P2RY8: variants seen among roughly 807,000 people sequenced by gnomAD.
The protein encoded by P2RY8 is S-geranylgeranyl-glutathione receptor P2RY8.
P2RY8 carries 6 observed loss-of-function variants against 10.0 expected under a neutral mutation model. The ratio of observed to expected loss-of-function variants is 0.60; its 90% CI spans 0.33 to 1.19. P2RY8 has a LOEUF of 1.19. Ranked by LOEUF, P2RY8 falls within the 50% of genes most tolerant of loss-of-function variation. The pLI is 0.04. For synonymous variants in P2RY8, 276 were observed against 252.5 expected (o/e 1.09, Z -0.88); for missense variants, 456 against 542.0 (o/e 0.84, Z 1.58).
In P2RY8 at chrX:1,532,315, T is replaced by C. The variant is rs78310429; in HGVS notation, c.-25+4606A>G. On this transcript the variant is annotated intron_variant, in intron 1 of 1. Coordinates refer to ENST00000381297, the MANE Select transcript of P2RY8 (RefSeq NM_178129.5). ...GTCATATATATGTGTGCCATATATA[T>C]ACACACACGTATATATACACATATA... Among the ~76,000 whole-genome samples, 76 of 17,102 alleles carry C rather than the reference T, an allele frequency of 4.4e-3. 2 individuals are homozygous for C. Among genetic ancestry groups the C allele is most frequent in the Non-Finnish European group, 0.028 (49 of 1,754 alleles). 11.2% of individuals were successfully genotyped at this position (17,102 alleles called of 152,430 possible).
Position 1,466,221 on chromosome X carries a change from G to A in P2RY8, c.338C>T (p.Thr113Ile). The change falls in exon 2 of 2, where the codon ACC becomes ATC. Residue 113 changes from threonine (T) to isoleucine (I), a missense_variant. Thr to Ile is a moderately conservative substitution (Grantham distance 89, BLOSUM62 -1). Coordinates refer to ENST00000381297, the MANE Select transcript of P2RY8 (RefSeq NM_178129.5). Reference protein sequence around the residue: ...FYANMYSSILTMTCISVERFL... With the variant: ...FYANMYSSILIMTCISVERFL... ...GCGCTCCACGCTGATACAGGTCATG[G>A]TGAGGATGCTGGAATACATGTTTGC... is the stretch of plus-strand genomic sequence containing the variant. The A allele has an allele frequency of 3.1e-6, 5 of 1,613,544 alleles. No individual in the cohort carries two copies. The highest frequency in any genetic ancestry group is 4.2e-6 in the Non-Finnish European group (5 of 1,179,702).
At chrX:1,505,445 G>A (rs189778836) in intron 1 of P2RY8, among the ~76,000 whole-genome samples, 1 of 152,322 alleles carries the variant, frequency 6.6e-6, no homozygotes, top group East Asian at 1.9e-4. Flanking sequence ...TCCACATGGA[G>A]GCACTGGATG....
rs757890905 is a variant in P2RY8 at position 1,504,028 on chromosome X, G to A, written c.-25+32893C>T. On this transcript the variant is annotated intron_variant, in intron 1 of 1. Coordinates refer to ENST00000381297, the MANE Select transcript of P2RY8 (RefSeq NM_178129.5). Reference sequence around the variant, plus strand: ...GTAAAGGAACTGTCTTTAAAGATTTGGGAATTCTGCTGGACGTGGTGGCTC... The same window carrying A: ...GTAAAGGAACTGTCTTTAAAGATTTAGGAATTCTGCTGGACGTGGTGGCTC... Among the ~76,000 whole-genome samples, 4 of 151,584 alleles carry A rather than the reference G, an allele frequency of 2.6e-5. No individual in the cohort carries two copies. The East Asian group carries it at 7.9e-4, about 30-fold the overall frequency.
intron 1 of P2RY8, among the ~76,000 whole-genome samples, chrX:1,483,387 C>A (rs28679465): frequency 0.035 from 5,342 of 152,098 alleles, 315 homozygotes; most frequent in African/African-American, 0.12. Flanking sequence ...GTAATCCCAG[C>A]ACTTTGGGAG....
intron 1 of P2RY8, among the ~76,000 whole-genome samples, chrX:1,532,817 T>C (rs2092489481): frequency 6.6e-6 from 1 of 151,598 alleles, no homozygotes; most frequent in Non-Finnish European, 1.5e-5. Flanking sequence ...CTGGCCAATA[T>C]GGTGAAACCC....
At chrX:1,475,816 C>T (rs2091867250) in intron 1 of P2RY8, among the ~76,000 whole-genome samples, 1 of 152,122 alleles carries the variant, frequency 6.6e-6, no homozygotes, top group Non-Finnish European at 1.5e-5. Flanking sequence ...TGCAGTCCCC[C>T]TTTCTTTGGT....
intron 1 of P2RY8, among the ~76,000 whole-genome samples, chrX:1,499,165 T>TC (rs2092150313): frequency 1.5e-5 from 2 of 133,786 alleles, no homozygotes; most frequent in Non-Finnish European, 3.2e-5. Context: ...TTTCTTTTCT[T>TC]TTTTTTTTTT....
In P2RY8 at chrX:1,491,336, C is replaced by T. The variant is rs145221204; in HGVS notation, c.-24-24754G>A. On this transcript the variant is annotated intron_variant, in intron 1 of 1. Transcript: ENST00000381297. ...GTGGGGGGAATTAATGAATGACATC[C>T]GGGGATTCCCCACAAATGTGAAGGG... Among the ~76,000 whole-genome samples the T allele has an allele frequency of 7.3e-3, 1,115 of 152,280 alleles. 12 individuals carry two copies. Among genetic ancestry groups the T allele is most frequent in the African/African-American group, 0.026 (1,072 of 41,522 alleles).
In P2RY8 at chrX:1,532,495, AC is replaced by A. The variant is rs1253315717; in HGVS notation, c.-25+4425del. On this transcript the variant is annotated intron_variant, in intron 1 of 1. Coordinates refer to ENST00000381297, the MANE Select transcript of P2RY8 (RefSeq NM_178129.5). ...TGTATAGATGTATATGTGTATATAT[AC>A]ACATATATGTATAGATGTATATGAT... is the stretch of plus-strand genomic sequence containing the variant. Among the ~76,000 whole-genome samples the A allele has an allele frequency of 1.5e-5, 2 of 132,816 alleles. 1 individual carries two copies. The highest frequency in any genetic ancestry group is 6.2e-5 in the African/African-American group (2 of 32,234). 87.1% of individuals were successfully genotyped at this position (132,816 alleles called of 152,430 possible).
At chrX:1,477,786 C>A (rs2149382292) in intron 1 of P2RY8, among the ~76,000 whole-genome samples, 1 of 152,162 alleles carries the variant, frequency 6.6e-6, no homozygotes, top group East Asian at 1.9e-4. Flanking sequence ...GTGACAAGAG[C>A]AGCCTTCAAC....
intron 1 of P2RY8, among the ~76,000 whole-genome samples, chrX:1,484,465 G>A (rs1374005143): frequency 2.0e-5 from 3 of 152,006 alleles, no homozygotes; most frequent in African/African-American, 2.4e-5. Flanking sequence ...GGTGGCTCAC[G>A]CCAGTCATCC....
intron 1 of P2RY8, among the ~76,000 whole-genome samples, chrX:1,507,115 G>A (rs1300210101): frequency 2.0e-5 from 3 of 151,732 alleles, no homozygotes; most frequent in Non-Finnish European, 4.4e-5. Flanking sequence ...TGTTCAAATC[G>A]GAGTCCTCAT....
chrX:1,530,277 C>A (rs1250010689), intron 1 of P2RY8, among the ~76,000 whole-genome samples: 1 of 147,254 alleles, frequency 6.8e-6, no homozygotes, highest in African/African-American at 2.6e-5. Context: ...CATTATCTAT[C>A]TATCTATCTA....
At chrX:1,505,906 T>A (rs1400431534) in intron 1 of P2RY8, among the ~76,000 whole-genome samples, 3 of 152,138 alleles carry the variant, frequency 2.0e-5, no homozygotes, top group African/African-American at 7.2e-5. Flanking sequence ...ATTGCATTTT[T>A]AAAAATCATT....
At chrX:1,480,606 G>A (rs1269040863) in intron 1 of P2RY8, among the ~76,000 whole-genome samples, 1 of 152,014 alleles carries the variant, frequency 6.6e-6, no homozygotes, top group African/African-American at 2.4e-5. Flanking sequence ...TCACTCATAA[G>A]TGGGAGTTGA....
intron 1 of P2RY8, among the ~76,000 whole-genome samples, chrX:1,469,757 G>A (rs779836994): frequency 1.6e-3 from 243 of 151,992 alleles, no homozygotes; most frequent in African/African-American, 5.5e-3. Context: ...AAAATTAGCC[G>A]GGCGTGGTGG....
chrX:1,474,929 A>G (rs1456719689), intron 1 of P2RY8, among the ~76,000 whole-genome samples: 2,093 of 92,812 alleles, frequency 0.023, no homozygotes, highest in Middle Eastern at 0.22. Context: ...TGGATGGATG[A>G]ATCAGTGTTT....
In P2RY8 at chrX:1,464,966, A is replaced by G. The variant is rs1318201795; in HGVS notation, c.*513T>C. 1 of 239,942 alleles carries G rather than the reference A, an allele frequency of 4.2e-6. No homozygotes were observed. The highest frequency in any genetic ancestry group is 2.2e-5 in the African/African-American group (1 of 45,476). 14.9% of individuals were successfully genotyped at this position (239,942 alleles called of 1,614,324 possible). On this transcript the variant is annotated 3_prime_UTR_variant, in exon 2 of 2. Coordinates refer to ENST00000381297, the MANE Select transcript of P2RY8 (RefSeq NM_178129.5). Reference sequence around the variant, plus strand: ...CCCCTGGAGGAGAATGGAGAAGGCCAGAACCACAACTAAGGGACGATGTCA... The same window carrying G: ...CCCCTGGAGGAGAATGGAGAAGGCCGGAACCACAACTAAGGGACGATGTCA...
At chrX:1,503,567 C>A (rs2030571985) in intron 1 of P2RY8, among the ~76,000 whole-genome samples, 1 of 152,096 alleles carries the variant, frequency 6.6e-6, no homozygotes. Context: ...TCGAGACCAG[C>A]CTGGCCAACG....
Sources: allele counts gnomAD v4.1 joint callset (sites outside exome capture counted in the v4.1 genomes callset), GRCh38; gene constraint gnomAD v4.1.1; transcripts MANE v1.5; gene names NCBI Gene and HGNC (gene_info 2026-07-23, HGNC 2026-07-21).